The following KLHL1 variants were observed in gnomAD, a reference collection of about 807,000 sequenced individuals.
KLHL1 encodes kelch like family member 1, also known as kelch-like protein 1.
Under a neutral mutation model 77.7 loss-of-function variants are expected in KLHL1, and 47 were observed. That is an observed-to-expected ratio of 0.60 (90% CI 0.48 to 0.77). KLHL1 has a LOEUF of 0.77. KLHL1 is among the 30% of genes least tolerant of loss of function. The pLI is 0.00. For synonymous variants in KLHL1, 360 were observed against 325.2 expected (o/e 1.11, Z -1.15); for missense variants, 925 against 910.8 (o/e 1.02, Z -0.20).
rs909904744 is a variant in KLHL1 at position 70,073,819 on chromosome 13, C to G, written c.497+33384G>C. On this transcript the variant is annotated intron_variant, in intron 1 of 10. Transcript: ENST00000377844. ...AAAGAAAAATTGAAATGCAGGAGAG[C>G]AAACATAATTTTCTTTTTTTTTTGA... is the stretch of plus-strand genomic sequence containing the variant. Among the ~76,000 whole-genome samples, 3 of 147,440 alleles carry G rather than the reference C, an allele frequency of 2.0e-5. 1 individual carries two copies. Among genetic ancestry groups the G allele is most frequent in the African/African-American group, 7.6e-5 (3 of 39,702 alleles).
chr13:69,797,233 T>C (rs987402144), intron 6 of KLHL1, among the ~76,000 whole-genome samples: 2 of 152,188 alleles, frequency 1.3e-5, no homozygotes, highest in Non-Finnish European at 2.9e-5. Context: ...GAAACATTGG[T>C]GAGCATGACC....
intron 1 of KLHL1, among the ~76,000 whole-genome samples, chr13:70,100,407 G>A (rs1426781474): frequency 6.6e-6 from 1 of 151,558 alleles, no homozygotes; most frequent in African/African-American, 2.4e-5. Flanking sequence ...ACATTTTTTT[G>A]TCGATTTCAT....
chr13:70,077,850 C>T (rs935979076), intron 1 of KLHL1, among the ~76,000 whole-genome samples: 12 of 151,790 alleles, frequency 7.9e-5, no homozygotes, highest in Admixed American at 6.6e-5. Context: ...CCAATAAAAT[C>T]GAAGTCATGA....
intron 7 of KLHL1, among the ~76,000 whole-genome samples, chr13:69,785,497 T>C (rs1876487805): frequency 6.6e-6 from 1 of 152,042 alleles, no homozygotes; most frequent in African/African-American, 2.4e-5. Context: ...CTGGGACACA[T>C]TCAAAGCAGT....
At chr13:69,818,078 GTAA>G (rs992956891) in intron 6 of KLHL1, among the ~76,000 whole-genome samples, 5 of 152,038 alleles carry the variant, frequency 3.3e-5, no homozygotes, top group African/African-American at 9.7e-5. Flanking sequence ...AGATAAGGCT[GTAA>G]AAGAAAACTT....
At chr13:69,901,827 C>T (rs1359267884) in intron 4 of KLHL1, among the ~76,000 whole-genome samples, 20 of 121,116 alleles carry the variant, frequency 1.7e-4, no homozygotes, top group South Asian at 5.2e-4. Context: ...GACGGAGTCT[C>T]GCTCTTGTTG....
At chr13:69,840,806 A>G (rs1879228073) in intron 5 of KLHL1, among the ~76,000 whole-genome samples, 1 of 151,320 alleles carries the variant, frequency 6.6e-6, no homozygotes, top group Non-Finnish European at 1.5e-5. Flanking sequence ...TTTATTCACC[A>G]AAGGGACTAT....
chr13:70,026,705 TGTGTGTGTGTGTGTGTGTG>T (rs1885952355), intron 1 of KLHL1, among the ~76,000 whole-genome samples: 15 of 121,186 alleles, frequency 1.2e-4, no homozygotes, highest in Non-Finnish European at 2.5e-4. Flanking sequence ...GAACTTAGGG[TGTGTGTGTGTGTGTGTGTG>T]TGTGTGTGTG....
intron 8 of KLHL1, 151 bp from the exon 9 acceptor site, chr13:69,719,732 T>C: frequency 1.6e-6 from 1 of 611,654 alleles, no homozygotes; most frequent in South Asian, 2.2e-5. Context: ...AGATACTCAA[T>C]AAATGATCAT....
chr13:70,075,416 T>C (rs1236642276), intron 1 of KLHL1, among the ~76,000 whole-genome samples: 1 of 150,930 alleles, frequency 6.6e-6, no homozygotes, highest in African/African-American at 2.4e-5. Flanking sequence ...TAATTTTCTG[T>C]ATAGAAAATT....
At chr13:69,705,019 T>A (rs1004469062) in intron 10 of KLHL1, among the ~76,000 whole-genome samples, 1 of 151,714 alleles carries the variant, frequency 6.6e-6, no homozygotes, top group Admixed American at 6.6e-5. Flanking sequence ...TACCTCCTAC[T>A]CCCAGCCAGA....
At chr13:69,872,484 T>C (rs1049441988) in intron 5 of KLHL1, among the ~76,000 whole-genome samples, 28 of 152,260 alleles carry the variant, frequency 1.8e-4, no homozygotes, top group African/African-American at 6.3e-4. Context: ...AGAGGAGTTA[T>C]ATCTTCATTA....
chr13:69,892,986 T>A (rs530659313), intron 4 of KLHL1, among the ~76,000 whole-genome samples: 1 of 152,324 alleles, frequency 6.6e-6, no homozygotes, highest in East Asian at 1.9e-4. Flanking sequence ...ATGAATAATT[T>A]ACTAGTTGCT....
intron 7 of KLHL1, among the ~76,000 whole-genome samples, chr13:69,777,172 C>A (rs1875874395): frequency 6.6e-6 from 1 of 152,052 alleles, no homozygotes; most frequent in Non-Finnish European, 1.5e-5. Context: ...TAAGACGTGC[C>A]TTTGCTCCTC....
chr13:70,064,364 T>C (rs1430611452), intron 1 of KLHL1, among the ~76,000 whole-genome samples: 1 of 152,132 alleles, frequency 6.6e-6, no homozygotes, highest in African/African-American at 2.4e-5. Context: ...AATGAAGATA[T>C]TGTGTACTTA....
intron 10 of KLHL1, among the ~76,000 whole-genome samples, chr13:69,705,267 G>C (rs1047897590): frequency 6.6e-6 from 1 of 151,534 alleles, no homozygotes; most frequent in African/African-American, 2.4e-5. Flanking sequence ...AATGACAAAA[G>C]TCAAATTTAT....
intron 1 of KLHL1, among the ~76,000 whole-genome samples, chr13:70,041,513 G>C (rs571770380): frequency 2.6e-5 from 4 of 152,116 alleles, no homozygotes; most frequent in African/African-American, 9.7e-5. Flanking sequence ...GTTGGGTAGG[G>C]GTAAAGTGGG....
chr13:69,803,366 T>C (rs1202727343), intron 6 of KLHL1, among the ~76,000 whole-genome samples: 1 of 152,158 alleles, frequency 6.6e-6, no homozygotes, highest in Non-Finnish European at 1.5e-5. Context: ...ACCTGGTACA[T>C]CCACAATATT....
intron 1 of KLHL1, among the ~76,000 whole-genome samples, chr13:69,976,977 C>A (rs552664666): frequency 9.9e-5 from 15 of 152,134 alleles, no homozygotes; most frequent in Middle Eastern, 3.4e-3. Context: ...AATATGGCAG[C>A]TAAGCAGATC....
Sources: allele counts gnomAD v4.1 joint callset (sites outside exome capture counted in the v4.1 genomes callset), GRCh38; gene constraint gnomAD v4.1.1; transcripts MANE v1.5; gene names NCBI Gene and HGNC (gene_info 2026-07-23, HGNC 2026-07-21).